The following PLCB1 variants were observed in gnomAD, a reference collection of about 807,000 sequenced individuals.
The protein encoded by PLCB1 is phospholipase C beta 1.
PLCB1 carries 46 observed loss-of-function variants against 161.8 expected under a neutral mutation model. The ratio of observed to expected loss-of-function variants is 0.28; its 90% CI spans 0.22 to 0.36. The LOEUF (loss-of-function observed/expected upper bound fraction) is 0.36. PLCB1 is among the 10% of genes least tolerant of loss of function. The probability of loss-of-function intolerance (pLI) is 1.00; values close to 1 mark genes in which losing one functional copy is unlikely to be tolerated. For synonymous variants in PLCB1, 517 were observed against 503.7 expected, an observed-to-expected ratio of 1.03 and a Z score of -0.35; for missense variants, 1,016 against 1,472.5, an observed-to-expected ratio of 0.69 and a Z score of 5.07.
intron 2 of PLCB1, among the ~76,000 whole-genome samples, chr20:8,169,899 G>C (rs2123066563): frequency 6.6e-6 from 1 of 152,298 alleles, no homozygotes; most frequent in Middle Eastern, 3.4e-3. Context: ...TTGCTGGGCT[G>C]GCCCTGGAGA....
intron 9 of PLCB1, among the ~76,000 whole-genome samples, chr20:8,672,115 C>T (rs970910739): frequency 1.3e-5 from 2 of 152,176 alleles, no homozygotes; most frequent in African/African-American, 4.8e-5. Context: ...AGACTGACTG[C>T]CTGGGCTCAA....
At chr20:8,353,649 A>G (rs1349040637) in intron 2 of PLCB1, among the ~76,000 whole-genome samples, 4 of 152,074 alleles carry the variant, frequency 2.6e-5, no homozygotes, top group Non-Finnish European at 5.9e-5. Context: ...TAATCATGAG[A>G]AAAACATCCT....
chr20:8,141,385 A>G (rs2051401337), intron 1 of PLCB1, among the ~76,000 whole-genome samples: 1 of 152,192 alleles, frequency 6.6e-6, no homozygotes, highest in South Asian at 2.1e-4. Flanking sequence ...GCATATTGGG[A>G]AGCCAAGGCA....
intron 2 of PLCB1, among the ~76,000 whole-genome samples, chr20:8,240,363 AT>A (rs559468771): frequency 2.0e-5 from 3 of 151,764 alleles, no homozygotes; most frequent in African/African-American, 7.3e-5. Context: ...AATACATAGC[AT>A]TTTTTTGCAT....
intron 3 of PLCB1, among the ~76,000 whole-genome samples, chr20:8,586,676 C>T (rs754344973): frequency 3.8e-4 from 58 of 152,140 alleles, no homozygotes; most frequent in African/African-American, 2.4e-4. Context: ...ATGTTAAATT[C>T]GCAGATTAGA....
In PLCB1 at chr20:8,737,071, A is replaced by G. The variant is rs1199490760; in HGVS notation, c.2087A>G (p.Tyr696Cys). 6.2e-7 allele frequency: 1 copy of G among 1,613,562 alleles called. No homozygotes were observed. The highest frequency in any genetic ancestry group is 1.1e-5 in the South Asian group (1 of 91,040). ...CTTTCTGATAAGAAAGTTGGGACTT[A>G]CGTGGAAGTAGATATGTTTGGTTTG... ...QFLSDKKVGT[Y>C]VEVDMFGLPV... Residue 696 changes from tyrosine to cysteine, a missense_variant, in exon 20 of 32, where the codon TAC (tyrosine) becomes TGC (cysteine). Transcript: ENST00000338037.
At chr20:8,243,478 G>A (rs1980720533) in intron 2 of PLCB1, among the ~76,000 whole-genome samples, 1 of 152,068 alleles carries the variant, frequency 6.6e-6, no homozygotes, top group Middle Eastern at 3.4e-3. Context: ...CCTGGTGGAA[G>A]CCAGGAAATA....
chr20:8,477,886 G>C (rs1324942270), intron 3 of PLCB1, among the ~76,000 whole-genome samples: 4 of 152,186 alleles, frequency 2.6e-5, no homozygotes, highest in African/African-American at 4.8e-5. Context: ...CTTAACGTTT[G>C]GATGGGACAC....
chr20:8,876,629 C>G (rs1987789517), intron 31 of PLCB1, among the ~76,000 whole-genome samples: 1 of 152,182 alleles, frequency 6.6e-6, no homozygotes, highest in African/African-American at 2.4e-5. Context: ...GTTGATGAGT[C>G]TATGAACTGG....
Position 8,781,443 on chromosome 20 carries a change from CACACAA to C in PLCB1, c.3111+6726_3111+6731del, listed in dbSNP as rs1287478844. ...ACACACACACACACACACACACACACACACAAAGATCCAAATCCATATAGTTTTCAA... is the reference window on the plus strand; with the variant it reads ...ACACACACACACACACACACACACACAGATCCAAATCCATATAGTTTTCAA... On this transcript the variant is annotated intron_variant, in intron 27 of 31. Coordinates refer to ENST00000338037, the MANE Select transcript of PLCB1 (RefSeq NM_015192.4). Among the ~76,000 whole-genome samples the C allele has an allele frequency of 4.5e-3, 538 of 119,248 alleles. 5 individuals are homozygous for C. The highest frequency in any genetic ancestry group is 0.015 in the African/African-American group (508 of 34,074). The allele number at this position is 119,248 out of a possible 152,430, so 78.2% of individuals were successfully genotyped here. A position where few individuals can be genotyped will look rare whatever the true frequency, so the allele number is the denominator to read the frequency against.
In PLCB1 at chr20:8,206,253, C is replaced by T. The variant is rs150463982; in HGVS notation, c.177+55882C>T. Among the ~76,000 whole-genome samples the T allele has an allele frequency of 6.7e-3, 1,027 of 152,266 alleles. 7 individuals are homozygous for T. The highest frequency in any genetic ancestry group is 9.4e-3 in the Non-Finnish European group (639 of 68,008). On this transcript the variant is annotated intron_variant, in intron 2 of 31. Coordinates refer to ENST00000338037, the MANE Select transcript of PLCB1 (RefSeq NM_015192.4). The stretch of plus-strand genomic sequence containing the variant: ...TAAACATTCTTTCAGCATTTCTCAT[C>T]CTTCTCCCATTTTCCTGCATTTCTC...
At chr20:8,461,082 T>C (rs1047677586) in intron 3 of PLCB1, among the ~76,000 whole-genome samples, 1 of 152,176 alleles carries the variant, frequency 6.6e-6, no homozygotes, top group African/African-American at 2.4e-5. Context: ...TAATCTAAAT[T>C]TAAATAGATA....
intron 7 of PLCB1, chr20:8,651,856 T>G (rs1486119782): frequency 4.5e-6 from 1 of 222,022 alleles, no homozygotes; most frequent in East Asian, 9.2e-5. Context: ...CCTACTGGAT[T>G]TAAGCAACTG....
chr20:8,339,558 G>A (rs181549627), intron 2 of PLCB1, among the ~76,000 whole-genome samples: 23 of 152,254 alleles, frequency 1.5e-4, no homozygotes, highest in Non-Finnish European at 2.6e-4. Context: ...AATTAATTCC[G>A]GGACTGGCTT....
chr20:8,765,626 A>G lies in PLCB1; in HGVS notation c.2930+268A>G, dbSNP rs149570871. Among the ~76,000 whole-genome samples the G allele has an allele frequency of 1.3e-3, 194 of 152,192 alleles. 1 individual carries two copies. The highest frequency in any genetic ancestry group is 4.5e-3 in the African/African-American group (187 of 41,508). On this transcript the variant is annotated intron_variant, in intron 26 of 31. Coordinates refer to ENST00000338037, the MANE Select transcript of PLCB1 (RefSeq NM_015192.4). Reference sequence around the variant, plus strand: ...TTCCAGTTAACTAACTTCCTATATTACAGCTGCCAATCTCATGGGTATGAG... The same window carrying G: ...TTCCAGTTAACTAACTTCCTATATTGCAGCTGCCAATCTCATGGGTATGAG...
intron 7 of PLCB1, chr20:8,653,036 C>G (rs1989362131): frequency 6.6e-6 from 1 of 151,998 alleles, no homozygotes. Flanking sequence ...TTATTTGCAC[C>G]AAATTCCCTT....
intron 3 of PLCB1, among the ~76,000 whole-genome samples, chr20:8,381,195 G>T (rs1987243115): frequency 6.6e-6 from 1 of 152,184 alleles, no homozygotes; most frequent in Non-Finnish European, 1.5e-5. Context: ...CATCTATTGA[G>T]ATAATCACAT....
rs551635655 is a variant in PLCB1 at position 8,690,485 on chromosome 20, G to C, written c.1009+5407G>C. 1.6e-4 allele frequency among the ~76,000 whole-genome samples: 25 copies of C among 152,272 alleles called. No homozygotes were observed. The South Asian group carries it at 5.2e-3, about 32-fold the overall frequency. ...AAGAAATGACATGGGAGTCAAAGCTGTCTTCTTGGACTGAGACAGTCCCTG... is the reference window on the plus strand; with the variant it reads ...AAGAAATGACATGGGAGTCAAAGCTCTCTTCTTGGACTGAGACAGTCCCTG... On this transcript the variant is annotated intron_variant, in intron 10 of 31. Coordinates refer to ENST00000338037, the MANE Select transcript of PLCB1 (RefSeq NM_015192.4).
At chr20:8,523,900 C>T (rs991465287) in intron 3 of PLCB1, among the ~76,000 whole-genome samples, 1 of 151,984 alleles carries the variant, frequency 6.6e-6, no homozygotes, top group Non-Finnish European at 1.5e-5. Flanking sequence ...CAGAGGCCTG[C>T]ATGGGGAGCG....
Sources: gnomAD v4.1 joint callset for allele counts (sites outside exome capture counted in the v4.1 genomes callset) on GRCh38, gnomAD v4.1.1 for gene constraint, MANE v1.5 for transcripts, NCBI Gene and HGNC (gene_info 2026-07-23, HGNC 2026-07-21) for gene names.